The following ZMIZ1 variants were observed in gnomAD, a reference collection of about 807,000 sequenced individuals.
ZMIZ1 encodes zinc finger MIZ-type containing 1, also known as zinc finger MIZ domain-containing protein 1.
Under a neutral mutation model 113.9 loss-of-function variants are expected in ZMIZ1, and 17 were observed. The ratio of observed to expected loss-of-function variants is 0.15; its 90% confidence interval spans 0.10 to 0.22. The LOEUF (loss-of-function observed/expected upper bound fraction) is 0.22, where lower values mean the gene tolerates loss of function less well. Among genes scored for constraint, ZMIZ1 ranks in the 10% least tolerant of loss-of-function variants. The pLI is 1.00. For missense variants in ZMIZ1, 1,059 were observed against 1,477.8 expected (o/e 0.72, Z 4.65); for synonymous variants, 607 against 603.1 (o/e 1.01, Z -0.09).
At chr10:79,150,453 A>G (rs1005050261) in intron 3 of ZMIZ1, among the ~76,000 whole-genome samples, 2 of 152,284 alleles carry the variant, frequency 1.3e-5, no homozygotes, top group Non-Finnish European at 2.9e-5. Flanking sequence ...CTAATGACTT[A>G]TCTCCTCTCA....
intron 3 of ZMIZ1, among the ~76,000 whole-genome samples, chr10:79,150,877 C>T (rs1039533996): frequency 1.3e-5 from 2 of 152,114 alleles, no homozygotes; most frequent in Non-Finnish European, 2.9e-5. Flanking sequence ...TGCTGAGGGG[C>T]AGGCTGTCCC....
At chr10:79,123,703 C>G (rs1844395054) in intron 2 of ZMIZ1, among the ~76,000 whole-genome samples, 1 of 152,234 alleles carries the variant, frequency 6.6e-6, no homozygotes, top group African/African-American at 2.4e-5. Context: ...GGGCTGCACT[C>G]TCCTCGCCAG....
intron 2 of ZMIZ1, among the ~76,000 whole-genome samples, chr10:79,133,662 C>G (rs1844868954): frequency 6.6e-6 from 1 of 152,206 alleles, no homozygotes; most frequent in Admixed American, 6.5e-5. Flanking sequence ...TAGCTCAACA[C>G]TAAGCACCCC....
chr10:79,086,181 G>A (rs547663682), intron 1 of ZMIZ1, among the ~76,000 whole-genome samples: 44 of 152,278 alleles, frequency 2.9e-4, no homozygotes, highest in African/African-American at 1.0e-3. Flanking sequence ...CATGGTTGAC[G>A]GGGATTTGCA....
chr10:79,144,286 C>T (rs1406729868), intron 3 of ZMIZ1, among the ~76,000 whole-genome samples: 2 of 152,148 alleles, frequency 1.3e-5, no homozygotes, highest in African/African-American at 4.8e-5. Context: ...TGCCATAGCT[C>T]ACAAGGGGCA....
chr10:79,194,762 C>G (rs145041329), intron 4 of ZMIZ1, among the ~76,000 whole-genome samples: 1 of 152,198 alleles, frequency 6.6e-6, no homozygotes, highest in Non-Finnish European at 1.5e-5. Context: ...CAGCTCTCAA[C>G]GTTCTATCCT....
At chr10:79,070,705 T>C (rs1842242554) in intron 1 of ZMIZ1, among the ~76,000 whole-genome samples, 1 of 151,962 alleles carries the variant, frequency 6.6e-6, no homozygotes, top group African/African-American at 2.4e-5. Flanking sequence ...TTGGTACCCT[T>C]GCCTGACCGG....
chr10:79,211,130 A>G (rs1212085544), intron 6 of ZMIZ1, among the ~76,000 whole-genome samples: 2 of 152,170 alleles, frequency 1.3e-5, no homozygotes, highest in African/African-American at 4.8e-5. Flanking sequence ...GGATTGTCAT[A>G]AACGACACTT....
rs200296042 is a variant in ZMIZ1 at position 79,305,467 on chromosome 10, G to T, written c.2355-66G>T. 2.3e-4 allele frequency: 362 copies of T among 1,561,088 alleles called. 3 individuals carry two copies. In the East Asian group the frequency reaches 7.3e-3, roughly 31 times the overall value. On this transcript the variant is annotated intron_variant, in intron 20 of 24. Coordinates refer to ENST00000334512, the MANE Select transcript of ZMIZ1 (RefSeq NM_020338.4). Reference sequence around the variant, plus strand: ...GTGGGACCCCACTGACACTGAGGTGGATGGGCTTTGCCCCTACCTCCTTGG... The same window carrying T: ...GTGGGACCCCACTGACACTGAGGTGTATGGGCTTTGCCCCTACCTCCTTGG...
Position 79,291,155 on chromosome 10 carries a change from G to C in ZMIZ1, c.737G>C (p.Gly246Ala). ...ATGTATGGCCGGCCCAACTACCCCG[G>C]CAGCGGGGGCTTTGGGGCCAGGTGA... ...QSMYGRPNYP[G>A]SGGFGASYPG... The change falls in exon 10 of 25, where the codon GGC (glycine) becomes GCC (alanine). Residue 246 changes from glycine (G) to alanine (A), a missense_variant. Gly to Ala is a moderately conservative substitution (Grantham distance 60). Coordinates refer to ENST00000334512, the MANE Select transcript of ZMIZ1 (RefSeq NM_020338.4). 6.2e-7 allele frequency: 1 copy of C among 1,611,124 alleles called. No individual in the cohort carries two copies. Among genetic ancestry groups the C allele is most frequent in the Non-Finnish European group, 8.5e-7 (1 of 1,177,868 alleles).
At chr10:79,090,158 G>T (rs1249999) in intron 1 of ZMIZ1, among the ~76,000 whole-genome samples, 1 of 152,186 alleles carries the variant, frequency 6.6e-6, no homozygotes, top group African/African-American at 2.4e-5. Context: ...CTGTCATTGA[G>T]TTTAGCTGCC....
At chr10:79,257,944 T>C (rs1851025218) in intron 7 of ZMIZ1, among the ~76,000 whole-genome samples, 1 of 152,250 alleles carries the variant, frequency 6.6e-6, no homozygotes, top group Non-Finnish European at 1.5e-5. Context: ...ATTTGTCATG[T>C]GCCAGGCTTT....
intron 4 of ZMIZ1, among the ~76,000 whole-genome samples, chr10:79,189,229 C>A (rs1425521620): frequency 6.6e-6 from 1 of 152,204 alleles, no homozygotes; most frequent in African/African-American, 2.4e-5. Context: ...TGGCATGGGA[C>A]CCCTGCCTCC....
At chr10:79,285,703 C>T (rs1324676802) in intron 8 of ZMIZ1, 1 of 400,132 alleles carries the variant, frequency 2.5e-6, no homozygotes, top group African/African-American at 2.1e-5. Context: ...TGTGTGAAGA[C>T]ATCATGCTTG....
intron 7 of ZMIZ1, among the ~76,000 whole-genome samples, chr10:79,221,627 C>T (rs771122634): frequency 2.0e-5 from 3 of 152,160 alleles, no homozygotes; most frequent in African/African-American, 4.8e-5. Context: ...AGCAGTCCCA[C>T]GCCTGCTGGC....
intron 1 of ZMIZ1, among the ~76,000 whole-genome samples, chr10:79,072,596 T>C (rs1842327232): frequency 6.6e-6 from 1 of 152,168 alleles, no homozygotes; most frequent in African/African-American, 2.4e-5. Context: ...GGGTGAGGCA[T>C]TGTTGTAAGA....
intron 8 of ZMIZ1, among the ~76,000 whole-genome samples, chr10:79,288,285 C>T (rs1853220519): frequency 2.6e-5 from 4 of 152,226 alleles, no homozygotes; most frequent in Admixed American, 2.6e-4. Context: ...GAAGTCCTCA[C>T]CTCTGGGCTG....
chr10:79,069,642 A>T lies in ZMIZ1; in HGVS notation c.-337+372A>T, dbSNP rs560374448. Among the ~76,000 whole-genome samples, 65 of 151,580 alleles carry T rather than the reference A, an allele frequency of 4.3e-4. No individual in the cohort carries two copies. Among genetic ancestry groups the T allele is most frequent in the African/African-American group, 1.4e-3 (59 of 41,274 alleles). ...GCCGGGCAGGACCGGGAATCGGAGG[A>T]GGGAGGGAAGGACCGCCTCGGTCTC... On this transcript the variant is annotated intron_variant, in intron 1 of 24. Transcript: ENST00000334512. This position sits in a 1 kb window ranked among gnomAD's most constrained non-coding sequence, Gnocchi z 4.6.
chr10:79,083,290 C>A (rs1842718377), intron 1 of ZMIZ1, among the ~76,000 whole-genome samples: 1 of 152,178 alleles, frequency 6.6e-6, no homozygotes, highest in African/African-American at 2.4e-5. Context: ...GGGAAGTGAA[C>A]TCCATGAACA....
Sources: gnomAD v4.1 joint callset for allele counts (sites outside exome capture counted in the v4.1 genomes callset) on GRCh38, gnomAD v4.1.1 for gene constraint, Gnocchi (gnomAD v3.1) non-coding constraint, MANE v1.5 for transcripts, NCBI Gene and HGNC (gene_info 2026-07-23, HGNC 2026-07-21) for gene names.